Variants in BPTF observed in about 807,000 individuals in gnomAD.
The protein encoded by BPTF is nucleosome-remodeling factor subunit BPTF.
BPTF carries 18 observed loss-of-function variants against 292.5 expected under a neutral mutation model. That is an observed-to-expected ratio of 0.06 (90% CI 0.04 to 0.09). BPTF has a LOEUF of 0.09. BPTF is among the 10% of genes least tolerant of loss of function. BPTF has a pLI of 1.00. For missense variants in BPTF, 2,726 were observed against 3,498.7 expected, an observed-to-expected ratio of 0.78 and a Z score of 5.57; for synonymous variants, 1,225 against 1,251.9, an observed-to-expected ratio of 0.98 and a Z score of 0.45.
chr17:67,930,624 T>G (rs537186952), intron 17 of BPTF, among the ~76,000 whole-genome samples: 1 of 152,072 alleles, frequency 6.6e-6, no homozygotes, highest in Admixed American at 6.5e-5. Flanking sequence ...AAACTGAAAA[T>G]AAAATACTTT....
chr17:67,858,484 G>A (rs553544929), intron 2 of BPTF, among the ~76,000 whole-genome samples: 1 of 151,298 alleles, frequency 6.6e-6, no homozygotes, highest in East Asian at 1.9e-4. Context: ...GAACCTAGGA[G>A]GCGGAGGTTG....
chr17:67,891,423 G>C (rs1269625153), intron 4 of BPTF: 1 of 153,310 alleles, frequency 6.5e-6, no homozygotes, highest in East Asian at 1.9e-4. Context: ...AAACTATTTG[G>C]TATTTAAACA....
chr17:67,871,499 C>G (rs2059736277), intron 3 of BPTF, among the ~76,000 whole-genome samples: 1 of 150,108 alleles, frequency 6.7e-6, no homozygotes. Context: ...TCGTATAGAT[C>G]TGTACTTTAT....
chr17:67,939,574 A>C (rs999101556), intron 18 of BPTF, among the ~76,000 whole-genome samples: 2 of 152,202 alleles, frequency 1.3e-5, no homozygotes, highest in Admixed American at 1.3e-4. Flanking sequence ...TTATTGAACA[A>C]TTACTATGAA....
intron 1 of BPTF, among the ~76,000 whole-genome samples, chr17:67,843,149 A>AATAT (rs929506366): frequency 1.3e-5 from 2 of 149,354 alleles, no homozygotes; most frequent in South Asian, 2.1e-4. Context: ...CATACATATA[A>AATAT]ATATATATCT....
At position 67,975,833 on chromosome 17, in the gene BPTF, G is replaced by C. The variant is rs1555693580; in HGVS notation, c.8601G>C (p.Val2867=). ...RRYYEKLTEF[V]ADMTKIFDNC... ...ATTATGAAAAGCTGACGGAATTTGT[G>C]GCAGATATGACCAAAATTTTTGATA... is the stretch of plus-strand genomic sequence containing the variant. Residue 2867 remains valine (V), a synonymous_variant, in exon 27 of 28, where the codon GTG becomes GTC. Transcript: ENST00000306378. 1.2e-6 allele frequency: 2 copies of C among 1,613,862 alleles called. No homozygotes were observed.
chr17:67,944,106 A>G, intron 19 of BPTF, 44 bp from the exon 20 acceptor site: 3 of 1,413,040 alleles, frequency 2.1e-6, no homozygotes, highest in East Asian at 2.3e-5. Flanking sequence ...ATACATACAG[A>G]TTGATGCTTT....
At position 67,825,969 on chromosome 17, in the gene BPTF, C is replaced by T. The variant is rs1279116873; in HGVS notation, c.245C>T (p.Pro82Leu). 2 of 1,030,544 alleles carry T rather than the reference C, an allele frequency of 1.9e-6. No homozygotes were observed. The highest frequency in any genetic ancestry group is 8.5e-5 in the East Asian group (1 of 11,796). 63.8% of individuals were successfully genotyped at this position (1,030,544 alleles called of 1,614,324 possible). The change falls in exon 1 of 28, where the codon CCG (proline) becomes CTG (leucine). Residue 82 changes from proline (P) to leucine (L), a missense_variant. Pro to Leu is a moderately conservative substitution (Grantham distance 98, BLOSUM62 -3). Coordinates refer to ENST00000306378, the MANE Select transcript of BPTF (RefSeq NM_182641.4). Reference sequence around the variant, plus strand: ...CGGAGGAAGCCGCCGCCGCCGCCGCCGGCCCCCCCCAGCACCAGCGCCCCG... The same window carrying T: ...CGGAGGAAGCCGCCGCCGCCGCCGCTGGCCCCCCCCAGCACCAGCGCCCCG... ...SSRRKPPPPP[P>L]APPSTSAPGR...
intron 4 of BPTF, among the ~76,000 whole-genome samples, chr17:67,878,859 A>G (rs1048946326): frequency 6.6e-6 from 1 of 152,154 alleles, no homozygotes; most frequent in African/African-American, 2.4e-5. Flanking sequence ...TCTACACTGA[A>G]TTTTGAATGT....
chr17:67,904,811 A>G lies in BPTF; in HGVS notation c.2783A>G (p.Asn928Ser), dbSNP rs1181408262. The G allele has an allele frequency of 6.2e-7, 1 of 1,612,842 alleles. No homozygotes were observed. The highest frequency in any genetic ancestry group is 1.3e-5 in the African/African-American group (1 of 74,924). The part of the protein sequence containing the change: ...RFVPKLPGNT[N>S]VNYRKSLEGT... ...GTTCCTAAATTGCCAGGCAATACTAATGTGAATTACAGAAAGTCGTTAGAA... is the reference window on the plus strand; with the variant it reads ...GTTCCTAAATTGCCAGGCAATACTAGTGTGAATTACAGAAAGTCGTTAGAA... Residue 928 changes from asparagine (N) to serine (S), a missense_variant, in exon 9 of 28, where the codon AAT (asparagine) becomes AGT (serine). Asn to Ser is a conservative substitution (Grantham distance 46). Around this residue, in one of 22 missense-constraint regions of BPTF, gnomAD observed 99 missense variants for 227.1 expected, o/e 0.44. Transcript: ENST00000306378.
chr17:67,941,516 G>A (rs782449501), intron 19 of BPTF, among the ~76,000 whole-genome samples: 1 of 152,172 alleles, frequency 6.6e-6, no homozygotes, highest in Admixed American at 6.5e-5. Flanking sequence ...ACAGACATAA[G>A]GAGAGGCAGA....
chr17:67,953,700 C>T (rs1165158886), intron 23 of BPTF, among the ~76,000 whole-genome samples: 4 of 151,750 alleles, frequency 2.6e-5, no homozygotes, highest in Admixed American at 2.0e-4. Flanking sequence ...CTCAGCCTCC[C>T]GAGTAGCTGG....
chr17:67,845,096 T>C (rs568058358), intron 1 of BPTF, among the ~76,000 whole-genome samples: 7 of 152,202 alleles, frequency 4.6e-5, no homozygotes, highest in Non-Finnish European at 8.8e-5. Flanking sequence ...ATAGGAATGC[T>C]GTATAAGTGC....
At chr17:67,978,638 G>A (rs2069883105) in intron 27 of BPTF, among the ~76,000 whole-genome samples, 1 of 152,068 alleles carries the variant, frequency 6.6e-6, no homozygotes, top group Non-Finnish European at 1.5e-5. Flanking sequence ...AAGTGGTTCA[G>A]GAAAGCAATG....
intron 1 of BPTF, among the ~76,000 whole-genome samples, chr17:67,829,369 G>A (rs1217801415): frequency 6.6e-6 from 1 of 151,370 alleles, no homozygotes; most frequent in Non-Finnish European, 1.5e-5. Context: ...AAAAAAAAAC[G>A]GGATACATGT....
At chr17:67,958,786 G>A (rs532251790) in intron 23 of BPTF, among the ~76,000 whole-genome samples, 12 of 151,854 alleles carry the variant, frequency 7.9e-5, no homozygotes, top group Admixed American at 1.3e-4. Context: ...CCAACATGGC[G>A]AAACCCCGTT....
intron 9 of BPTF, among the ~76,000 whole-genome samples, chr17:67,907,707 C>T (rs1000397516): frequency 5.3e-5 from 8 of 152,026 alleles, no homozygotes; most frequent in Non-Finnish European, 1.2e-4. Context: ...TTTAATCCTG[C>T]AGTGTTTTAA....
intron 19 of BPTF, 54 bp downstream of exon 19, chr17:67,940,710 G>T (rs1362270770): frequency 6.5e-7 from 1 of 1,541,778 alleles, no homozygotes; most frequent in Non-Finnish European, 8.9e-7. Flanking sequence ...TTATTCTTGC[G>T]GTAAGTTTAA....
intron 18 of BPTF, among the ~76,000 whole-genome samples, chr17:67,938,198 G>A (rs1010109957): frequency 6.6e-6 from 1 of 152,122 alleles, no homozygotes; most frequent in Non-Finnish European, 1.5e-5. Context: ...CATCTGGGTG[G>A]CTTATAAAAA....
Sources: allele counts gnomAD v4.1 joint callset (sites outside exome capture counted in the v4.1 genomes callset), GRCh38; gene constraint gnomAD v4.1.1; regional missense constraint gnomAD v4.1.1; transcripts MANE v1.5; gene names NCBI Gene and HGNC (gene_info 2026-07-23, HGNC 2026-07-21).